The following RBFOX1 variants were observed in gnomAD, a reference collection of about 807,000 sequenced individuals.
RBFOX1 encodes the protein RNA binding protein fox-1 homolog 1.
RBFOX1 carries 8 observed loss-of-function variants against 57.7 expected under a neutral mutation model. The ratio of observed to expected loss-of-function variants is 0.14; its 90% CI spans 0.08 to 0.25. The LOEUF (loss-of-function observed/expected upper bound fraction) is 0.25. Among genes scored for constraint, RBFOX1 ranks in the 10% least tolerant of loss-of-function variants. The probability of loss-of-function intolerance (pLI) is 1.00; values close to 1 mark genes in which losing one functional copy is unlikely to be tolerated. For synonymous variants in RBFOX1, 326 were observed against 222.4 expected (o/e 1.47, Z -4.15); for missense variants, 611 against 548.5 (o/e 1.11, Z -1.14).
In RBFOX1 at chr16:5,856,591, ATATATATATATAT is replaced by A. The variant is rs2057075579; in HGVS notation, c.319-10711_319-10699del. On this transcript the variant is annotated intron_variant, in intron 3 of 19. Coordinates refer to the RBFOX1 transcript ENST00000641259. ...TGTGTGTGTGTATATATATATATAT[ATATATATATATAT>A]AATCTTAGCCAGATCTTCTGGATAA... Among the ~76,000 whole-genome samples, 13 of 96,086 alleles carry A rather than the reference ATATATATATATAT, an allele frequency of 1.4e-4. 2 individuals carry two copies. Among genetic ancestry groups the A allele is most frequent in the African/African-American group, 2.3e-4 (6 of 26,410 alleles). The allele number at this position is 96,086 out of a possible 152,430, so 63.0% of individuals were successfully genotyped here.
intron 2 of RBFOX1, among the ~76,000 whole-genome samples, chr16:6,377,011 CA>C (rs1157048446): frequency 1.3e-5 from 2 of 151,854 alleles, no homozygotes; most frequent in Non-Finnish European, 2.9e-5. Flanking sequence ...GTGGCTCATG[CA>C]TATAATCCCA....
At chr16:5,917,954 A>G (rs920530839) in intron 4 of RBFOX1, among the ~76,000 whole-genome samples, 4 of 151,978 alleles carry the variant, frequency 2.6e-5, no homozygotes, top group Non-Finnish European at 4.4e-5. Context: ...CACACGGGAG[A>G]AAGAATCTGT....
chr16:6,036,550 A>C (rs1336616876), intron 1 of RBFOX1, among the ~76,000 whole-genome samples: 1 of 152,184 alleles, frequency 6.6e-6, no homozygotes, highest in Admixed American at 6.5e-5. Flanking sequence ...TCTGATTCTA[A>C]GAAAATAGAG....
At position 6,227,971 on chromosome 16, in the gene RBFOX1, G is replaced by A. The variant is rs543977903; in HGVS notation, c.-126-89024G>A. Among the ~76,000 whole-genome samples, 298 of 152,208 alleles carry A rather than the reference G, an allele frequency of 2.0e-3. 1 individual carries two copies. Among genetic ancestry groups the A allele is most frequent in the African/African-American group, 6.6e-3 (274 of 41,522 alleles). The stretch of plus-strand genomic sequence containing the variant: ...CCAAAGAAAATGAAATCAATATATC[G>A]GAGAGATGTCTGCACTCCTGTGTTT... On this transcript the variant is annotated intron_variant, in intron 1 of 15. Transcript: ENST00000550418.
chr16:7,227,061 C>G (rs1471763588), intron 4 of RBFOX1, among the ~76,000 whole-genome samples: 1 of 152,124 alleles, frequency 6.6e-6, no homozygotes, highest in African/African-American at 2.4e-5. Flanking sequence ...TTCATTTCCC[C>G]CAGCATTCTT....
intron 4 of RBFOX1, among the ~76,000 whole-genome samples, chr16:5,970,238 C>G (rs192708732): frequency 1.8e-4 from 28 of 152,194 alleles, no homozygotes; most frequent in African/African-American, 6.3e-4. Context: ...TGTTGTTTCT[C>G]ATAGATGTTG....
At chr16:5,289,387 C>T (rs966256132) in intron 1 of RBFOX1, 2 of 377,320 alleles carry the variant, frequency 5.3e-6, no homozygotes, top group Admixed American at 2.9e-5. Context: ...GGGAGGGCCC[C>T]CATATGGGGT....
intron 3 of RBFOX1, among the ~76,000 whole-genome samples, chr16:6,960,033 CCTAGGCCTTGA>C (rs2082637680): frequency 6.6e-6 from 1 of 152,140 alleles, no homozygotes; most frequent in Non-Finnish European, 1.5e-5. Flanking sequence ...CTAGGCCTTT[CCTAGGCCTTGA>C]AACATGACAA....
At chr16:5,742,593 T>G (rs1248103908) in intron 3 of RBFOX1, among the ~76,000 whole-genome samples, 2 of 152,146 alleles carry the variant, frequency 1.3e-5, no homozygotes, top group Admixed American at 6.5e-5. Context: ...ACCAGTAGCC[T>G]CATCAAAGCT....
intron 2 of RBFOX1, among the ~76,000 whole-genome samples, chr16:5,524,163 G>C (rs945986532): frequency 6.6e-6 from 1 of 152,214 alleles, no homozygotes; most frequent in South Asian, 2.1e-4. Context: ...CTAAATGTGA[G>C]ATGGGTGATC....
At chr16:6,632,628 T>C (rs542930955) in intron 2 of RBFOX1, among the ~76,000 whole-genome samples, 57 of 152,288 alleles carry the variant, frequency 3.7e-4, no homozygotes, top group African/African-American at 1.2e-3. Context: ...CATGGGTGTT[T>C]TGCTTGAGCT....
At chr16:5,853,704 G>T (rs1027422324) in intron 3 of RBFOX1, among the ~76,000 whole-genome samples, 23 of 152,186 alleles carry the variant, frequency 1.5e-4, no homozygotes, top group African/African-American at 5.6e-4. Flanking sequence ...GGGAGGTGTG[G>T]GGGATAGAGA....
intron 4 of RBFOX1, among the ~76,000 whole-genome samples, chr16:7,249,530 T>A (rs1002116627): frequency 2.0e-5 from 3 of 152,050 alleles, no homozygotes; most frequent in South Asian, 2.1e-4. Context: ...ATATCAACTG[T>A]TTATATGTTT....
At chr16:6,614,435 G>C (rs1176749370) in intron 2 of RBFOX1, among the ~76,000 whole-genome samples, 1 of 152,184 alleles carries the variant, frequency 6.6e-6, no homozygotes, top group Non-Finnish European at 1.5e-5. Flanking sequence ...AATAAAAGCA[G>C]ACCTGCTTTT....
chr16:6,765,774 T>A lies in RBFOX1; in HGVS notation c.-16+111124T>A, dbSNP rs763978791. Among the ~76,000 whole-genome samples, 102 of 152,184 alleles carry A rather than the reference T, an allele frequency of 6.7e-4. 1 individual carries two copies. The highest frequency in any genetic ancestry group is 1.3e-3 in the Non-Finnish European group (90 of 68,044). On this transcript the variant is annotated intron_variant, in intron 3 of 15. Coordinates refer to ENST00000550418, the MANE Select transcript of RBFOX1 (RefSeq NM_018723.4). ...CAATAAGTAGATAAGGAAAATATGGTATATTCACCTTGAAATACTACTCAG... is the reference window on the plus strand; with the variant it reads ...CAATAAGTAGATAAGGAAAATATGGAATATTCACCTTGAAATACTACTCAG...
intron 1 of RBFOX1, among the ~76,000 whole-genome samples, chr16:6,219,439 T>C (rs1287977709): frequency 1.3e-5 from 2 of 151,932 alleles, no homozygotes; most frequent in African/African-American, 4.8e-5. Flanking sequence ...CATAACTGAG[T>C]TGGGAGGGAA....
At chr16:7,688,972 A>G (rs2076741414) in intron 14 of RBFOX1, among the ~76,000 whole-genome samples, 1 of 152,096 alleles carries the variant, frequency 6.6e-6, no homozygotes, top group African/African-American at 2.4e-5. Flanking sequence ...CTTAGATAGT[A>G]AAAGCTTGGT....
At chr16:6,687,941 A>G (rs78554287) in intron 3 of RBFOX1, among the ~76,000 whole-genome samples, 71 of 152,352 alleles carry the variant, frequency 4.7e-4, no homozygotes, top group Non-Finnish European at 5.9e-4. Flanking sequence ...ATCTTGAGTG[A>G]GAGCTTCAGA....
At chr16:6,877,981 C>G (rs561879337) in intron 3 of RBFOX1, among the ~76,000 whole-genome samples, 16 of 151,854 alleles carry the variant, frequency 1.1e-4, no homozygotes, top group African/African-American at 3.9e-4. Context: ...TTCAGAGAGC[C>G]GAGTCATTGT....
Sources: gnomAD v4.1 joint callset for allele counts (sites outside exome capture counted in the v4.1 genomes callset) on GRCh38, gnomAD v4.1.1 for gene constraint, MANE v1.5 for transcripts, NCBI Gene and HGNC (gene_info 2026-07-23, HGNC 2026-07-21) for gene names.